The following LYPD5 variants were observed in gnomAD, a reference collection of about 807,000 sequenced individuals.
LYPD5 encodes the protein LY6/PLAUR domain containing 5.
A neutral mutation model predicts 19.1 loss-of-function variants in LYPD5; 21 were observed. The observed-to-expected ratio is 1.10, with a 90% CI of 0.78 to 1.58. The LOEUF (loss-of-function observed/expected upper bound fraction) is 1.58, where lower values mean the gene tolerates loss of function less well. LYPD5 is among the 40% of genes most tolerant of loss of function. LYPD5 has a pLI of 0.00. For synonymous variants in LYPD5, 128 were observed against 142.7 expected (o/e 0.90, Z 0.74); for missense variants, 287 against 329.8 (o/e 0.87, Z 1.00).
rs1043629288 is a variant in LYPD5 at position 43,797,225 on chromosome 19, A to G, written c.*366T>C. ...TTGGGCTTCTCATGATGACACTAAT[A>G]AAGACATCATTGTATAGCTCCCTCC... On this transcript the variant is annotated 3_prime_UTR_variant, in exon 5 of 5. Coordinates refer to ENST00000377950, the MANE Select transcript of LYPD5 (RefSeq NM_001031749.3). 9.5e-6 allele frequency: 2 copies of G among 209,612 alleles called. No individual in the cohort carries two copies. Among genetic ancestry groups the G allele is most frequent in the East Asian group, 2.5e-4 (2 of 8,114 alleles). The allele number at this position is 209,612 out of a possible 1,614,324, so 13.0% of individuals were successfully genotyped here.
intron 1 of LYPD5, among the ~76,000 whole-genome samples, chr19:43,809,201 G>A (rs557230355): frequency 2.6e-5 from 4 of 150,950 alleles, no homozygotes; most frequent in East Asian, 2.0e-4. Context: ...CACTACACCC[G>A]GCTAATTTTT....
rs1459165809 is a variant in LYPD5 at position 43,798,929 on chromosome 19, G to C, written c.253C>G (p.Gln85Glu). The stretch of plus-strand genomic sequence containing the variant: ...AGCGCGTCCGCGTTCGATTGCGTCT[G>C]GCCCGCAGGAGGCCCGGTCCAGCAG... ...KGCWTGPPAG[Q>E]TQSNADALPP... Residue 85 changes from glutamine to glutamate, a missense_variant, in exon 3 of 5, where the codon CAG becomes GAG. Transcript: ENST00000377950. 9.4e-6 allele frequency: 15 copies of C among 1,594,084 alleles called. No homozygotes were observed. Among genetic ancestry groups the C allele is most frequent in the Non-Finnish European group, 2.6e-6 (3 of 1,171,114 alleles).
chr19:43,810,537 TCC>T (rs1970311810), intron 1 of LYPD5, among the ~76,000 whole-genome samples: 1 of 34,882 alleles, frequency 2.9e-5, no homozygotes, highest in Non-Finnish European at 6.5e-5. Flanking sequence ...TTCCGTTCCC[TCC>T]CCTCCCCTCC....
At chr19:43,815,304 A>C (rs1262685412) in intron 1 of LYPD5, among the ~76,000 whole-genome samples, 1 of 152,084 alleles carries the variant, frequency 6.6e-6, no homozygotes, top group Non-Finnish European at 1.5e-5. Flanking sequence ...CAGGAGTTTG[A>C]GGCCAGCCTG....
intron 1 of LYPD5, among the ~76,000 whole-genome samples, chr19:43,818,518 C>G (rs770190801): frequency 6.6e-6 from 1 of 152,212 alleles, no homozygotes; most frequent in Non-Finnish European, 1.5e-5. Context: ...AGACTATTAA[C>G]TCCGCTGTAC....
At chr19:43,799,256 G>A (rs960008786) in intron 2 of LYPD5, among the ~76,000 whole-genome samples, 1 of 151,662 alleles carries the variant, frequency 6.6e-6, no homozygotes, top group Non-Finnish European at 1.5e-5. Context: ...TTTCTTTTGT[G>A]GGGCGGAGGA....
At chr19:43,814,852 A>G (rs1490746797) in intron 1 of LYPD5, among the ~76,000 whole-genome samples, 2 of 152,220 alleles carry the variant, frequency 1.3e-5, no homozygotes, top group Non-Finnish European at 2.9e-5. Context: ...ACTATGACTT[A>G]GTGGGTTAGA....
At chr19:43,808,188 C>T (rs1970287369) in intron 1 of LYPD5, among the ~76,000 whole-genome samples, 1 of 152,124 alleles carries the variant, frequency 6.6e-6, no homozygotes, top group Admixed American at 6.5e-5. Flanking sequence ...CTTGACTCAC[C>T]ACTGCCTCCC....
Position 43,798,143 on chromosome 19 carries a change from C to T in LYPD5, c.517+312G>A, listed in dbSNP as rs116080481. Among the ~76,000 whole-genome samples, 104 of 141,658 alleles carry T rather than the reference C, an allele frequency of 7.3e-4. 1 individual carries two copies. The highest frequency in any genetic ancestry group is 2.7e-3 in the African/African-American group (101 of 37,070). 92.9% of individuals were successfully genotyped at this position (141,658 alleles called of 152,430 possible). A position where few individuals can be genotyped will look rare whatever the true frequency, so the allele number is the denominator to read the frequency against. On this transcript the variant is annotated intron_variant, in intron 4 of 4. Coordinates refer to ENST00000377950, the MANE Select transcript of LYPD5 (RefSeq NM_001031749.3). The stretch of plus-strand genomic sequence containing the variant: ...TTCCTCAGAGCAGGGCCAGGCTTCT[C>T]CCTCAGACCAGGGTCTTGCCTCCTC...
Position 43,798,820 on chromosome 19 carries a change from A to T in LYPD5, c.362T>A (p.Leu121Gln). The T allele has an allele frequency of 6.2e-7, 1 of 1,608,966 alleles. No individual in the cohort carries two copies. Reference protein sequence around the residue: ...HLMTHDALPNLSQAPDPPTLS... With the variant: ...HLMTHDALPNQSQAPDPPTLS... ...CCCGCTCTCCCGCGCACCTTGGCTC[A>T]GGTTGGGGAGGGCGTCATGAGTCAT... Residue 121 changes from leucine to glutamine, a missense_variant, in exon 3 of 5, where the codon CTG becomes CAG. By Grantham distance (113) the Leu-to-Gln change is moderately radical (BLOSUM62 -2). Transcript: ENST00000377950.
In LYPD5 at chr19:43,797,691, G is replaced by T. The variant is rs373776725; in HGVS notation, c.656C>A (p.Thr219Asn). Residue 219 changes from threonine to asparagine, a missense_variant, in exon 5 of 5, where the codon ACC (threonine) becomes AAC (asparagine). By Grantham distance (65) the Thr-to-Asn change is moderately conservative. Coordinates refer to ENST00000377950, the MANE Select transcript of LYPD5 (RefSeq NM_001031749.3). ...GGCTGAAGCACTGGTGAAGGGCTGG[G>T]TCATGGATTTCCTGTTGCAGAGGTA... ...EGYLCNRKSM[T>N]QPFTSASATT... 2.5e-5 allele frequency: 41 copies of T among 1,613,848 alleles called. No homozygotes were observed. In the African/African-American group the frequency reaches 4.7e-4, roughly 18 times the overall value.
chr19:43,817,105 TA>T (rs752519192), intron 1 of LYPD5, among the ~76,000 whole-genome samples: 2 of 152,152 alleles, frequency 1.3e-5, no homozygotes, highest in African/African-American at 2.4e-5. Flanking sequence ...AAATTACGAA[TA>T]TTATTTCTCA....
At chr19:43,798,747 C>G in intron 3 of LYPD5, 65 bp downstream of exon 3, 1 of 1,570,702 alleles carries the variant, frequency 6.4e-7, no homozygotes, top group Non-Finnish European at 8.6e-7. Context: ...GGAGGCCACG[C>G]CTTCCCCGAG....
intron 1 of LYPD5, among the ~76,000 whole-genome samples, chr19:43,820,145 A>G (rs1970407091): frequency 6.6e-6 from 1 of 152,162 alleles, no homozygotes; most frequent in East Asian, 1.9e-4. Context: ...TCTTTTTGAC[A>G]CATACACACA....
chr19:43,797,401 G>A lies in LYPD5; in HGVS notation c.*190C>T. The A allele has an allele frequency of 1.7e-6, 1 of 578,986 alleles. No homozygotes were observed. Among genetic ancestry groups the A allele is most frequent in the East Asian group, 2.9e-5 (1 of 34,682 alleles). The allele number at this position is 578,986 out of a possible 1,614,324, so 35.9% of individuals were successfully genotyped here. ...TGTTTTGCCCTCCCCGGGGATGCTG[G>A]TGACTGTGTCCAGTTTCTTCCAGTA... On this transcript the variant is annotated 3_prime_UTR_variant, in exon 5 of 5. Coordinates refer to ENST00000377950, the MANE Select transcript of LYPD5 (RefSeq NM_001031749.3).
chr19:43,817,949 C>T (rs749236680), intron 1 of LYPD5, among the ~76,000 whole-genome samples: 4 of 152,096 alleles, frequency 2.6e-5, no homozygotes, highest in Non-Finnish European at 4.4e-5. Context: ...TTCCTGACCA[C>T]ATGATCCACC....
Position 43,798,852 on chromosome 19 carries a change from G to C in LYPD5, c.330C>G (p.Ala110=), listed in dbSNP as rs1277759766. 1.2e-6 allele frequency: 2 copies of C among 1,611,020 alleles called. No individual in the cohort carries two copies. The change falls in exon 3 of 5, where the codon GCC becomes GCG. Residue 110 remains alanine, a synonymous_variant. Coordinates refer to ENST00000377950, the MANE Select transcript of LYPD5 (RefSeq NM_001031749.3). ...GGAGGGCGTCATGAGTCATGAGGTG[G>C]GCGTTGCATTTGTCAGTTGTGCAGC... ...VRGCTTDKCN[A]HLMTHDALPN...
At chr19:43,801,226 TTA>T (rs1970220357) in intron 1 of LYPD5, among the ~76,000 whole-genome samples, 1 of 151,836 alleles carries the variant, frequency 6.6e-6, no homozygotes, top group East Asian at 1.9e-4. Flanking sequence ...TATCTCTATT[TTA>T]AAAACAACCA....
chr19:43,819,983 C>G (rs1383700975), intron 1 of LYPD5, among the ~76,000 whole-genome samples: 1 of 124,722 alleles, frequency 8.0e-6, no homozygotes, highest in African/African-American at 2.6e-5. Flanking sequence ...TTGGACAATA[C>G]TGTGTAGCTA....
Sources: gnomAD v4.1 joint callset for allele counts (sites outside exome capture counted in the v4.1 genomes callset) on GRCh38, gnomAD v4.1.1 for gene constraint, MANE v1.5 for transcripts, NCBI Gene and HGNC (gene_info 2026-07-23, HGNC 2026-07-21) for gene names.